Variants in LAMB4 observed in about 807,000 individuals in gnomAD.
The protein encoded by LAMB4 is laminin subunit beta 4, also known as laminin subunit beta-4.
A neutral mutation model predicts 199.2 loss-of-function variants in LAMB4; 196 were observed. That is an observed-to-expected ratio of 0.98 (90% CI 0.88 to 1.11). The LOEUF is 1.11. Ranked by LOEUF, LAMB4 falls within the 50% of genes least tolerant of loss-of-function variation. The pLI is 0.00. For synonymous variants in LAMB4, 744 were observed against 770.6 expected (o/e 0.97, Z 0.57); for missense variants, 2,080 against 2,171.2 (o/e 0.96, Z 0.83).
chr7:108,023,349 A>C (rs2034732083), downstream of LAMB4, among the ~76,000 whole-genome samples: 1 of 152,234 alleles, frequency 6.6e-6, no homozygotes, highest in Admixed American at 6.5e-5. Flanking sequence ...AGACAATCTT[A>C]TCTTTTATAC....
intron 23 of LAMB4, among the ~76,000 whole-genome samples, chr7:108,061,419 A>G (rs1425811613): frequency 6.6e-6 from 1 of 152,176 alleles, no homozygotes; most frequent in East Asian, 1.9e-4. Flanking sequence ...AATATATTCT[A>G]AAATAAAAAG....
intron 25 of LAMB4, among the ~76,000 whole-genome samples, chr7:108,053,197 A>G (rs987364098): frequency 1.3e-5 from 2 of 152,206 alleles, no homozygotes; most frequent in African/African-American, 2.4e-5. Context: ...CAAGAATCCT[A>G]TGAAATCCAG....
intron 33 of LAMB4, chr7:108,026,832 T>C: frequency 3.9e-6 from 2 of 509,846 alleles, no homozygotes; most frequent in South Asian, 2.9e-5. Context: ...AGCCTTGTGG[T>C]TCCGCCCCTT....
chr7:108,058,058 T>C (rs1584651038), intron 23 of LAMB4, 130 bp from the exon 24 acceptor site: 1 of 668,798 alleles, frequency 1.5e-6, no homozygotes, highest in East Asian at 2.7e-5. Flanking sequence ...GAAGGATGAT[T>C]CCCATGTCCA....
Position 108,098,441 on chromosome 7 carries a change from T to C in LAMB4, c.1322A>G (p.His441Arg). The C allele has an allele frequency of 6.5e-7, 1 of 1,536,212 alleles. No individual in the cohort carries two copies. Among genetic ancestry groups the C allele is most frequent in the South Asian group, 1.1e-5 (1 of 88,806 alleles). Residue 441 changes from histidine to arginine, a missense_variant, in exon 11 of 34, where the codon CAC becomes CGC. Coordinates refer to ENST00000388781, the MANE Select transcript of LAMB4 (RefSeq NM_007356.3). ...GAKCDQCKPN[H>R]YGLSATDPLG... ...GGGGTCGGTGGCGCTTAGTCCGTAG[T>C]GGTTGGGTTTGCACTGGTCGCATTT...
At chr7:108,111,758 G>A (rs2038232056) in intron 4 of LAMB4, 53 bp downstream of exon 4, 1 of 1,475,968 alleles carries the variant, frequency 6.8e-7, no homozygotes, top group Non-Finnish European at 9.4e-7. Context: ...GGAAGAGGAT[G>A]TCATATTAAA....
At chr7:108,071,687 C>T (rs1419548750) in intron 17 of LAMB4, among the ~76,000 whole-genome samples, 1 of 152,208 alleles carries the variant, frequency 6.6e-6, no homozygotes, top group Non-Finnish European at 1.5e-5. Flanking sequence ...ACAAGCCTGG[C>T]CAATTCCTCC....
chr7:108,067,003 T>A (rs924662578), intron 19 of LAMB4, among the ~76,000 whole-genome samples: 1 of 151,934 alleles, frequency 6.6e-6, no homozygotes, highest in African/African-American at 2.4e-5. Context: ...TAAGAGCCCA[T>A]CTTAACATGG....
rs376458476 is a variant in LAMB4 at position 108,036,825 on chromosome 7, T to C, written c.4679+563A>G. Among the ~76,000 whole-genome samples the C allele has an allele frequency of 6.1e-4, 93 of 151,226 alleles. 1 individual carries two copies. In the South Asian group the frequency reaches 0.019, roughly 31 times the overall value. ...TCTTGCAGTACTCCTGGAGCTCTAG[T>C]GTCCGTTCTGTTCCTCATCATTATA... On this transcript the variant is annotated intron_variant, in intron 30 of 33. Coordinates refer to ENST00000388781, the MANE Select transcript of LAMB4 (RefSeq NM_007356.3).
chr7:108,088,590 T>C (rs1458156366), intron 14 of LAMB4, among the ~76,000 whole-genome samples: 1 of 152,254 alleles, frequency 6.6e-6, no homozygotes, highest in Admixed American at 6.5e-5. Flanking sequence ...TTCTTAGTTC[T>C]GCAGTTAGAA....
At chr7:108,099,019 A>G (rs993088093) in intron 10 of LAMB4, among the ~76,000 whole-genome samples, 3 of 152,232 alleles carry the variant, frequency 2.0e-5, no homozygotes, top group African/African-American at 7.2e-5. Flanking sequence ...ATAGATTTTA[A>G]AAAAGACTCT....
rs57814646 is a variant in LAMB4 at position 108,059,097 on chromosome 7, CTTTT to C, written c.3283-1173_3283-1170del. Among the ~76,000 whole-genome samples the C allele has an allele frequency of 4.7e-3, 503 of 107,780 alleles. 1 individual carries two copies. The highest frequency in any genetic ancestry group is 0.017 in the African/African-American group (479 of 27,822). 70.7% of individuals were successfully genotyped at this position (107,780 alleles called of 152,430 possible). ...TCTTATACCGAAGTACAATCTGCCA[CTTTT>C]TTTTTTTTTTTTTTTTTTTTTTGAG... On this transcript the variant is annotated intron_variant, in intron 23 of 33. Coordinates refer to ENST00000388781, the MANE Select transcript of LAMB4 (RefSeq NM_007356.3).
At position 108,079,779 on chromosome 7, in the gene LAMB4, T is replaced by C. The variant is rs754589115; in HGVS notation, c.1709A>G (p.Glu570Gly). The stretch of plus-strand genomic sequence containing the variant: ...AACAGCAGGACTCTGGCCAAACGTC[T>C]CCGAGCCCTAAAATGGGAGAGGAAT... ...TLQGLAPLGS[E>G]TFGQSPAVHV... The change falls in exon 15 of 34, where the codon GAG becomes GGG. Residue 570 changes from glutamate (E) to glycine (G), a missense_variant. By Grantham distance (98) the Glu-to-Gly change is moderately conservative. Transcript: ENST00000388781. 6.3e-7 allele frequency: 1 copy of C among 1,577,088 alleles called. No homozygotes were observed. The highest frequency in any genetic ancestry group is 8.6e-7 in the Non-Finnish European group (1 of 1,164,328).
chr7:108,024,763 A>C (rs1291471855), intron 33 of LAMB4, among the ~76,000 whole-genome samples: 1 of 149,340 alleles, frequency 6.7e-6, no homozygotes, highest in African/African-American at 2.6e-5. Flanking sequence ...CCGTCCATCC[A>C]TCCATCTATC....
At chr7:108,103,254 T>C in intron 9 of LAMB4, 22 bp from the exon 10 acceptor site, 3 of 1,528,024 alleles carry the variant, frequency 2.0e-6, no homozygotes, top group Non-Finnish European at 2.6e-6. Context: ...AGACAGTGAC[T>C]GAGAGGTAGA....
At chr7:108,080,419 T>C (rs1173207562) in intron 14 of LAMB4, among the ~76,000 whole-genome samples, 2 of 152,166 alleles carry the variant, frequency 1.3e-5, no homozygotes, top group Non-Finnish European at 2.9e-5. Flanking sequence ...TCCGCTCAAA[T>C]TCCTCTTCTT....
At position 108,109,155 on chromosome 7, in the gene LAMB4, G is replaced by A; in HGVS notation, c.402+16C>T. 1 of 1,571,070 alleles carries A rather than the reference G, an allele frequency of 6.4e-7. No individual in the cohort carries two copies. Among genetic ancestry groups the A allele is most frequent in the Non-Finnish European group, 8.8e-7 (1 of 1,141,330 alleles). On this transcript the variant is annotated intron_variant, in intron 5 of 33. Transcript: ENST00000388781. ...GGAATAGATAAAAGAGGGGCAGCAGGCCTATTAGTCTGTACCTTAAAGGTC... is the reference window on the plus strand; with the variant it reads ...GGAATAGATAAAAGAGGGGCAGCAGACCTATTAGTCTGTACCTTAAAGGTC...
intron 2 of LAMB4, among the ~76,000 whole-genome samples, chr7:108,120,731 G>A (rs2038569088): frequency 6.6e-6 from 1 of 152,150 alleles, no homozygotes; most frequent in African/African-American, 2.4e-5. Flanking sequence ...TAACATTTCC[G>A]TTGATGTTAC....
rs749155829 is a variant in LAMB4 at position 108,030,118 on chromosome 7, C to CAA, written c.4992+686_4992+687dup. On this transcript the variant is annotated intron_variant, in intron 32 of 33. Transcript: ENST00000388781. ...GGTGACAGAGAGAGACTCTGTCTCACAAAAAAAAAAAAAAAGAACTTTTCT... is the reference window on the plus strand; with the variant it reads ...GGTGACAGAGAGAGACTCTGTCTCACAAAAAAAAAAAAAAAAAGAACTTTTCT... 3.7e-3 allele frequency among the ~76,000 whole-genome samples: 298 copies of CAA among 79,892 alleles called. 2 individuals carry two copies. Among genetic ancestry groups the CAA allele is most frequent in the African/African-American group, 0.013 (278 of 21,494 alleles). 52.4% of individuals were successfully genotyped at this position (79,892 alleles called of 152,430 possible).
Sources: allele counts gnomAD v4.1 joint callset (sites outside exome capture counted in the v4.1 genomes callset), GRCh38; gene constraint gnomAD v4.1.1; transcripts MANE v1.5; gene names NCBI Gene and HGNC (gene_info 2026-07-23, HGNC 2026-07-21).